Variants in ARL3 observed in about 807,000 individuals in gnomAD.
ARL3 encodes ARF like GTPase 3, also known as ADP-ribosylation factor-like protein 3.
Under a neutral mutation model 26.0 loss-of-function variants are expected in ARL3, and 9 were observed. That is an observed-to-expected ratio of 0.35 (90% CI 0.21 to 0.60). The LOEUF (loss-of-function observed/expected upper bound fraction) is 0.60. ARL3 is among the 20% of genes least tolerant of loss of function. The probability of loss-of-function intolerance (pLI) is 0.78; values close to 1 mark genes in which losing one functional copy is unlikely to be tolerated. For synonymous variants in ARL3, 71 were observed against 78.4 expected (o/e 0.91, Z 0.50); for missense variants, 158 against 215.7 (o/e 0.73, Z 1.67).
At chr10:102,714,187 C>T (rs2064367111) in intron 1 of ARL3, 86 bp downstream of exon 1, 1 of 1,299,116 alleles carries the variant, frequency 7.7e-7, no homozygotes, top group South Asian at 3.2e-5. Flanking sequence ...CCCTCCTTGG[C>T]TTTAAGCGCA....
intron 5 of ARL3, among the ~76,000 whole-genome samples, chr10:102,680,894 GTTT>G (rs974977510): frequency 6.6e-6 from 1 of 151,588 alleles, no homozygotes; most frequent in Admixed American, 6.6e-5. Context: ...GCTATTAGTA[GTTT>G]TTTTTTCTGG....
At chr10:102,679,067 C>T (rs910396635) in intron 5 of ARL3, among the ~76,000 whole-genome samples, 19 of 152,296 alleles carry the variant, frequency 1.2e-4, no homozygotes, top group East Asian at 5.8e-4. Flanking sequence ...GCCCTGGGCC[C>T]GGGAGGCCCC....
intron 5 of ARL3, among the ~76,000 whole-genome samples, chr10:102,682,454 G>A (rs1050938323): frequency 6.6e-6 from 1 of 152,146 alleles, no homozygotes; most frequent in Non-Finnish European, 1.5e-5. Flanking sequence ...ACAACACGTG[G>A]TACTTCCCAC....
chr10:102,688,811 G>A (rs1451025141), intron 4 of ARL3, among the ~76,000 whole-genome samples: 1 of 152,106 alleles, frequency 6.6e-6, no homozygotes, highest in African/African-American at 2.4e-5. Flanking sequence ...CCCTTGGCAT[G>A]TGCATTTTTT....
chr10:102,690,099 AC>A (rs751612858), intron 3 of ARL3, among the ~76,000 whole-genome samples, 156 bp from the exon 4 acceptor site: 1 of 152,016 alleles, frequency 6.6e-6, no homozygotes, highest in Non-Finnish European at 1.5e-5. Flanking sequence ...TGAAGGCCAA[AC>A]AAACAAATAC....
At chr10:102,696,418 C>T (rs894365412) in intron 3 of ARL3, among the ~76,000 whole-genome samples, 2 of 151,960 alleles carry the variant, frequency 1.3e-5, no homozygotes, top group Non-Finnish European at 2.9e-5. Context: ...GCGCCCACCA[C>T]CACGCCTGGC....
At chr10:102,695,956 T>C (rs1389334443) in intron 3 of ARL3, among the ~76,000 whole-genome samples, 1 of 152,036 alleles carries the variant, frequency 6.6e-6, no homozygotes, top group Non-Finnish European at 1.5e-5. Flanking sequence ...GTGACCACCA[T>C]GCCCGGCCTT....
chr10:102,674,557 C>A lies in ARL3; in HGVS notation c.*2337G>T, dbSNP rs769404009. 1 of 152,158 alleles carries A rather than the reference C, an allele frequency of 6.6e-6. No individual in the cohort carries two copies. Among genetic ancestry groups the A allele is most frequent in the Non-Finnish European group, 1.5e-5 (1 of 68,070 alleles). The allele number at this position is 152,158 out of a possible 1,614,324, so 9.4% of individuals were successfully genotyped here. ...AGGGCAAAAGTCTCGCTAAGACTCA[C>A]TGGGGACAGGAGGAGGGGAAAAGGG... On this transcript the variant is annotated 3_prime_UTR_variant, in exon 6 of 6. Transcript: ENST00000260746.
At chr10:102,695,654 C>G (rs2064243263) in intron 3 of ARL3, among the ~76,000 whole-genome samples, 1 of 151,828 alleles carries the variant, frequency 6.6e-6, no homozygotes, top group South Asian at 2.1e-4. Flanking sequence ...ACCTGAGTAG[C>G]TTACGGGCAT....
At chr10:102,680,428 G>T in intron 5 of ARL3, among the ~76,000 whole-genome samples, 1 of 152,128 alleles carries the variant, frequency 6.6e-6, no homozygotes. Context: ...ACTAAAGAGA[G>T]ACATGGAATT....
chr10:102,714,357 A>T lies in ARL3; in HGVS notation c.-82T>A, dbSNP rs956995385. 6.5e-5 allele frequency: 81 copies of T among 1,251,996 alleles called. No homozygotes were observed. The highest frequency in any genetic ancestry group is 7.8e-5 in the Non-Finnish European group (77 of 983,146). The allele number at this position is 1,251,996 out of a possible 1,614,324, so 77.6% of individuals were successfully genotyped here. Reference sequence around the variant, plus strand: ...GGCAACTGCTGCGGCGCCGCCCCCGACGTCCCTCGCACGCACAGCTGAGGA... The same window carrying T: ...GGCAACTGCTGCGGCGCCGCCCCCGTCGTCCCTCGCACGCACAGCTGAGGA... On this transcript the variant is annotated 5_prime_UTR_variant, in exon 1 of 6. Transcript: ENST00000260746.
At chr10:102,685,741 C>T in intron 5 of ARL3, 75 bp downstream of exon 5, 3 of 1,451,068 alleles carry the variant, frequency 2.1e-6, no homozygotes, top group Non-Finnish European at 2.8e-6. Flanking sequence ...CCATCAAGAT[C>T]AGCCCAACCA....
chr10:102,700,349 C>T (rs1198485274), intron 2 of ARL3, among the ~76,000 whole-genome samples: 2 of 137,716 alleles, frequency 1.5e-5, no homozygotes, highest in Non-Finnish European at 3.0e-5. Flanking sequence ...GCAGAGGTTG[C>T]AGTGAGCTGA....
chr10:102,703,425 CTTTTTTTTTTTTTTTTTTTTT>C lies in ARL3; in HGVS notation c.147+1900_147+1920del, dbSNP rs57721161. ...ATGAGCCATGGTGCCCAGGACTTGT[CTTTTTTTTTTTTTTTTTTTTT>C]TTTTTTTTTTTTTTTGTGATGGAGT... On this transcript the variant is annotated intron_variant, in intron 2 of 5. Transcript: ENST00000260746. 9.3e-4 allele frequency among the ~76,000 whole-genome samples: 45 copies of C among 48,482 alleles called. 2 individuals are homozygous for C. The East Asian group carries it at 0.012, about 13-fold the overall frequency. The allele number at this position is 48,482 out of a possible 152,430, so 31.8% of individuals were successfully genotyped here.
intron 2 of ARL3, among the ~76,000 whole-genome samples, chr10:102,704,892 T>C (rs1430883537): frequency 6.6e-6 from 1 of 152,194 alleles, no homozygotes; most frequent in Non-Finnish European, 1.5e-5. Flanking sequence ...GGGATGCAGA[T>C]GCTGCAGTGG....
rs192269796 is a variant in ARL3 at position 102,704,457 on chromosome 10, G to A, written c.147+889C>T. On this transcript the variant is annotated intron_variant, in intron 2 of 5. Coordinates refer to ENST00000260746, the MANE Select transcript of ARL3 (RefSeq NM_004311.4). ...AGTTTGAGACCAGCCTGGCCAACAT[G>A]GCAAAACCCTGGCTCTACAAAAAAA... Among the ~76,000 whole-genome samples, 376 of 152,140 alleles carry A rather than the reference G, an allele frequency of 2.5e-3. 3 individuals carry two copies. Among genetic ancestry groups the A allele is most frequent in the Non-Finnish European group, 2.7e-3 (183 of 68,002 alleles).
rs1444139962 is a variant in ARL3, at chr10:102,676,913, A to G, written c.530T>C (p.Val177Ala). 1 of 1,614,180 alleles carries G rather than the reference A, an allele frequency of 6.2e-7. No homozygotes were observed. Among genetic ancestry groups the G allele is most frequent in the East Asian group, 2.2e-5 (1 of 44,888 alleles). ...TAGATTTTATTTCTTCTTTGCATTG[A>G]CATTTTTGCAGACCCAGTTCATGCC... Reference protein sequence around the residue: ...QDGMNWVCKNVNAKKK With the variant: ...QDGMNWVCKNANAKKK The change falls in exon 6 of 6, where the codon GTC (valine) becomes GCC (alanine). Residue 177 changes from valine (V) to alanine (A), a missense_variant. Transcript: ENST00000260746.
chr10:102,710,825 T>C (rs999659088), intron 1 of ARL3, among the ~76,000 whole-genome samples: 2 of 152,210 alleles, frequency 1.3e-5, no homozygotes, highest in Non-Finnish European at 2.9e-5. Flanking sequence ...AAATCATGAA[T>C]AGATGTGCTA....
At position 102,685,999 on chromosome 10, in the gene ARL3, T is replaced by A. The variant is rs538533205; in HGVS notation, c.318A>T (p.Glu106Asp). ...DRKRFEETGQ[E>D]LAELLEEEKL... ...TTTCTTCCTCCAGTAATTCCGCTAG[T>A]TCCTGGATTTTGAGAAGGGAGAGGG... The change falls in exon 5 of 6, where the codon GAA (glutamate) becomes GAT (aspartate). Residue 106 changes from glutamate to aspartate, a missense_variant and splice_region_variant. By Grantham distance (45) the Glu-to-Asp change is conservative. Transcript: ENST00000260746. 1 of 1,612,210 alleles carries A rather than the reference T, an allele frequency of 6.2e-7. No homozygotes were observed. The highest frequency in any genetic ancestry group is 1.3e-5 in the African/African-American group (1 of 74,972).
Sources: gnomAD v4.1 joint callset for allele counts (sites outside exome capture counted in the v4.1 genomes callset) on GRCh38, gnomAD v4.1.1 for gene constraint, MANE v1.5 for transcripts, NCBI Gene and HGNC (gene_info 2026-07-23, HGNC 2026-07-21) for gene names.